Variants in EPHA6 observed in about 807,000 individuals in gnomAD.
EPHA6 encodes EPH receptor A6, also known as ephrin type-A receptor 6.
EPHA6 carries 50 observed loss-of-function variants against 112.0 expected under a neutral mutation model. The observed-to-expected ratio is 0.45, with a 90% CI of 0.36 to 0.56. The LOEUF is 0.56. EPHA6 is among the 20% of genes least tolerant of loss of function. The pLI is 0.00. For missense variants in EPHA6, 1,280 were observed against 1,417.4 expected, an observed-to-expected ratio of 0.90 and a Z score of 1.56; for synonymous variants, 529 against 490.7, an observed-to-expected ratio of 1.08 and a Z score of -1.03.
intron 6 of EPHA6, among the ~76,000 whole-genome samples, chr3:97,406,763 A>C (rs1213893313): frequency 6.6e-6 from 1 of 152,184 alleles, no homozygotes; most frequent in African/African-American, 2.4e-5. Context: ...AGCCTAAGAA[A>C]GGACAAATTT....
chr3:97,450,978 GTTCT>G (rs2090508345), intron 7 of EPHA6, among the ~76,000 whole-genome samples: 1 of 151,942 alleles, frequency 6.6e-6, no homozygotes, highest in Non-Finnish European at 1.5e-5. Context: ...AGAGGCTGGG[GTTCT>G]TTCTTGAAAG....
intron 2 of EPHA6, among the ~76,000 whole-genome samples, chr3:96,880,459 G>C (rs2037245928): frequency 1.3e-5 from 2 of 152,016 alleles, no homozygotes; most frequent in Admixed American, 6.5e-5. Flanking sequence ...TAAAATACAA[G>C]TCAAATTTCT....
chr3:97,462,523 A>G (rs996869765), intron 7 of EPHA6, among the ~76,000 whole-genome samples: 31 of 152,260 alleles, frequency 2.0e-4, no homozygotes, highest in African/African-American at 7.0e-4. Flanking sequence ...TCCACTACAA[A>G]TTTTTTAAAA....
At chr3:97,258,082 A>T (rs1294194768) in intron 5 of EPHA6, among the ~76,000 whole-genome samples, 3 of 152,038 alleles carry the variant, frequency 2.0e-5, no homozygotes, top group Non-Finnish European at 2.9e-5. Flanking sequence ...TTACCCTATC[A>T]CAGTGCATAA....
At chr3:97,667,647 G>A (rs1403899722) in intron 14 of EPHA6, among the ~76,000 whole-genome samples, 1 of 152,086 alleles carries the variant, frequency 6.6e-6, no homozygotes, top group Admixed American at 6.6e-5. Flanking sequence ...ATATCTAAGT[G>A]CCTTTATGTA....
chr3:97,398,223 C>T (rs2086797541), intron 5 of EPHA6, among the ~76,000 whole-genome samples: 1 of 151,302 alleles, frequency 6.6e-6, no homozygotes, highest in Non-Finnish European at 1.5e-5. Context: ...GGTAATATTG[C>T]TTTAGACATT....
chr3:97,563,081 A>G, intron 11 of EPHA6, among the ~76,000 whole-genome samples: 1 of 152,208 alleles, frequency 6.6e-6, no homozygotes, highest in Non-Finnish European at 1.5e-5. Flanking sequence ...GCTTTATTGC[A>G]ATATTTACTT....
chr3:97,508,481 T>C (rs560610102), intron 10 of EPHA6, among the ~76,000 whole-genome samples: 238 of 152,302 alleles, frequency 1.6e-3, no homozygotes, highest in African/African-American at 5.4e-3. Context: ...TTTGCGTGAG[T>C]TTCTTAATCC....
intron 14 of EPHA6, among the ~76,000 whole-genome samples, chr3:97,663,213 A>T (rs1160547551): frequency 6.6e-6 from 1 of 152,174 alleles, no homozygotes; most frequent in African/African-American, 2.4e-5. Flanking sequence ...AGAAATATAT[A>T]TTTTTAAAGC....
At chr3:97,480,556 T>G (rs936080502) in intron 9 of EPHA6, among the ~76,000 whole-genome samples, 2 of 152,164 alleles carry the variant, frequency 1.3e-5, no homozygotes, top group Non-Finnish European at 2.9e-5. Context: ...GGGGTAAGGT[T>G]ATAGATTAAC....
intron 3 of EPHA6, among the ~76,000 whole-genome samples, chr3:97,220,131 C>G (rs1344287142): frequency 6.6e-6 from 1 of 152,222 alleles, no homozygotes; most frequent in African/African-American, 2.4e-5. Flanking sequence ...GAGCCCACCT[C>G]AGCCTTGACT....
intron 1 of EPHA6, among the ~76,000 whole-genome samples, chr3:96,836,939 C>T (rs536093383): frequency 2.6e-4 from 39 of 152,226 alleles, no homozygotes; most frequent in African/African-American, 7.7e-4. Flanking sequence ...TTATTATTCC[C>T]CTTTTTATAA....
intron 7 of EPHA6, among the ~76,000 whole-genome samples, chr3:97,452,194 C>G (rs780408940): frequency 6.6e-6 from 1 of 151,774 alleles, no homozygotes; most frequent in Non-Finnish European, 1.5e-5. Flanking sequence ...TTTTCAATAT[C>G]AAAATATGCT....
At chr3:97,226,162 T>A (rs2078349146) in intron 3 of EPHA6, 102 bp from the exon 4 acceptor site, 1 of 902,882 alleles carries the variant, frequency 1.1e-6, no homozygotes, top group Admixed American at 3.0e-5. Flanking sequence ...AACACTGTAC[T>A]CTGAGATCCA....
Position 97,532,520 on chromosome 3 carries a change from G to A in EPHA6, c.2363G>A (p.Arg788His), listed in dbSNP as rs376865110. 24 of 1,606,472 alleles carry A rather than the reference G, an allele frequency of 1.5e-5. No individual in the cohort carries two copies. Among genetic ancestry groups the A allele is most frequent in the African/African-American group, 2.7e-5 (2 of 74,450 alleles). ...MGQFDHPNII[R>H]LEGVVTKRSF... ...CAGTTTGACCATCCAAACATCATTC[G>A]CCTAGAAGGGGTTGTCACCAAAAGT... The change falls in exon 11 of 18, where the codon CGC (arginine) becomes CAC (histidine). Residue 788 changes from arginine (R) to histidine (H), a missense_variant. By Grantham distance (29) the Arg-to-His change is conservative. This residue lies in a region of EPHA6 where 878 missense variants were observed against 999.7 expected (regional missense o/e 0.88). Transcript: ENST00000389672.
chr3:97,096,206 T>C (rs28448385), intron 3 of EPHA6, among the ~76,000 whole-genome samples: 31,725 of 151,490 alleles, frequency 0.21, 4,141 homozygotes, highest in African/African-American at 0.36. Flanking sequence ...GCAAAATGTG[T>C]ATGTGTGTGT....
At chr3:96,985,251 A>G (rs542523941) in intron 2 of EPHA6, among the ~76,000 whole-genome samples, 2 of 152,308 alleles carry the variant, frequency 1.3e-5, no homozygotes, top group African/African-American at 2.4e-5. Context: ...TAGTATAGAC[A>G]TTAATAATAA....
At chr3:97,528,410 T>TAATAAGGAGA (rs1355726145) in intron 10 of EPHA6, among the ~76,000 whole-genome samples, 1 of 152,192 alleles carries the variant, frequency 6.6e-6, no homozygotes, top group Admixed American at 6.6e-5. Flanking sequence ...CCTTTATCAC[T>TAATAAGGAGA]AATAAGGAGC....
intron 3 of EPHA6, among the ~76,000 whole-genome samples, chr3:97,187,801 A>C (rs943132328): frequency 2.6e-5 from 4 of 152,154 alleles, no homozygotes; most frequent in African/African-American, 9.6e-5. Context: ...TACATTGGCA[A>C]GACACAGAAT....
Sources: allele counts gnomAD v4.1 joint callset (sites outside exome capture counted in the v4.1 genomes callset), GRCh38; gene constraint gnomAD v4.1.1; regional missense constraint gnomAD v4.1.1; transcripts MANE v1.5; gene names NCBI Gene and HGNC (gene_info 2026-07-23, HGNC 2026-07-21).